The following ST13 variants were observed in gnomAD, a reference collection of about 807,000 sequenced individuals.
The protein encoded by ST13 is hsc70-interacting protein.
In ST13, 23 loss-of-function variants were observed where a neutral mutation model predicts 56.7. The ratio of observed to expected loss-of-function variants is 0.41; its 90% CI spans 0.29 to 0.57. The LOEUF (loss-of-function observed/expected upper bound fraction) is 0.57, where lower values mean the gene tolerates loss of function less well. ST13 is among the 20% of genes least tolerant of loss of function. The probability of loss-of-function intolerance (pLI) is 0.36; values close to 1 mark genes in which losing one functional copy is unlikely to be tolerated. For missense variants in ST13, 369 were observed against 459.9 expected, an observed-to-expected ratio of 0.80 and a Z score of 1.81; for synonymous variants, 132 against 142.4, an observed-to-expected ratio of 0.93 and a Z score of 0.52.
chr22:40,851,748 C>G (rs1348667669), intron 1 of ST13, among the ~76,000 whole-genome samples: 1 of 141,638 alleles, frequency 7.1e-6, no homozygotes, highest in Non-Finnish European at 1.6e-5. Context: ...AGAAAGGGTT[C>G]TTTTTTTTTT....
chr22:40,856,510 C>G lies in ST13; in HGVS notation c.31G>C (p.Ala11Pro). 1 of 1,613,126 alleles carries G rather than the reference C, an allele frequency of 6.2e-7. No homozygotes were observed. The highest frequency in any genetic ancestry group is 1.1e-5 in the South Asian group (1 of 91,048). MDPRKVNELR[A>P]FVKMCKQDPS... ...TCCTGCTTACACATTTTCACAAAGG[C>G]CCGAAGCTCGTTCACTTTGCGGGGG... Residue 11 changes from alanine (A) to proline (P), a missense_variant, in exon 1 of 12, where the codon GCC becomes CCC. By Grantham distance (27) the Ala-to-Pro change is conservative. Transcript: ENST00000216218.
rs1055321232 is a variant in ST13, at chr22:40,825,274, CTG to C, written c.*1262_*1263del. 10 of 152,224 alleles carry C rather than the reference CTG, an allele frequency of 6.6e-5. No individual in the cohort carries two copies. Among genetic ancestry groups the C allele is most frequent in the African/African-American group, 2.2e-4 (9 of 41,544 alleles). The allele number at this position is 152,224 out of a possible 1,614,324, so 9.4% of individuals were successfully genotyped here. A position where few individuals can be genotyped will look rare whatever the true frequency, so the allele number is the denominator to read the frequency against. On this transcript the variant is annotated 3_prime_UTR_variant, in exon 12 of 12. Transcript: ENST00000216218. ...GTCTCAACAACTCCACAATGAATAA[CTG>C]TGGATTATCTCATTTATAATTCACA...
At chr22:40,830,631 G>C (rs1469065128) in intron 9 of ST13, among the ~76,000 whole-genome samples, 2 of 152,142 alleles carry the variant, frequency 1.3e-5, no homozygotes, top group African/African-American at 4.8e-5. Context: ...ATATAAAATG[G>C]TGAAATAAAA....
At chr22:40,846,083 T>C (rs931893402) in intron 3 of ST13, among the ~76,000 whole-genome samples, 2 of 152,154 alleles carry the variant, frequency 1.3e-5, no homozygotes, top group African/African-American at 4.8e-5. Context: ...ATTACAGGCA[T>C]GTGTCACCAC....
At chr22:40,830,114 C>T (rs2057747404) in intron 9 of ST13, among the ~76,000 whole-genome samples, 1 of 151,822 alleles carries the variant, frequency 6.6e-6, no homozygotes, top group African/African-American at 2.4e-5. Flanking sequence ...AGAAAATGAA[C>T]AAAAAATAAA....
Position 40,835,903 on chromosome 22 carries a change from A to T in ST13, c.383-16T>A. 4 of 1,584,282 alleles carry T rather than the reference A, an allele frequency of 2.5e-6. No homozygotes were observed. Among genetic ancestry groups the T allele is most frequent in the Non-Finnish European group, 3.5e-6 (4 of 1,157,772 alleles). On this transcript the variant is annotated splice_polypyrimidine_tract_variant and intron_variant, in intron 5 of 11. Transcript: ENST00000216218. ...TGGAGTTCACCTAAAGTGAAACAAA[A>T]GTTATCGAGAAATATTCAGAGGATA... is the stretch of plus-strand genomic sequence containing the variant.
Position 40,824,576 on chromosome 22 carries a change from T to C in ST13, c.*1962A>G, listed in dbSNP as rs1021554753. ...GAATGTATATTATGGAATTTAAAAA[T>C]CTAAAAGCACAGGACACATTTTCAG... On this transcript the variant is annotated 3_prime_UTR_variant, in exon 12 of 12. Transcript: ENST00000216218. 5 of 152,200 alleles carry C rather than the reference T, an allele frequency of 3.3e-5. No homozygotes were observed. The highest frequency in any genetic ancestry group is 1.2e-4 in the African/African-American group (5 of 41,426). 9.4% of individuals were successfully genotyped at this position (152,200 alleles called of 1,614,324 possible). A position where few individuals can be genotyped will look rare whatever the true frequency, so the allele number is the denominator to read the frequency against.
At chr22:40,848,241 A>G (rs2057842506) in intron 3 of ST13, 53 bp downstream of exon 3, 4 of 1,304,800 alleles carry the variant, frequency 3.1e-6, no homozygotes, top group East Asian at 4.6e-5. Flanking sequence ...ATAAAAATCA[A>G]CAAAGTATCA....
intron 3 of ST13, among the ~76,000 whole-genome samples, chr22:40,847,281 C>A (rs113056027): frequency 0.017 from 158 of 9,070 alleles, 3 homozygotes; most frequent in African/African-American, 0.073. Context: ...CATCTGTAAT[C>A]CCAAACACTT....
intron 8 of ST13, among the ~76,000 whole-genome samples, chr22:40,831,606 G>A (rs1173447685): frequency 6.6e-6 from 1 of 152,088 alleles, no homozygotes; most frequent in South Asian, 2.1e-4. Context: ...TTACAACTTT[G>A]CCCTATTTTA....
intron 10 of ST13, among the ~76,000 whole-genome samples, chr22:40,828,581 C>T (rs1324954670): frequency 6.6e-6 from 1 of 151,728 alleles, no homozygotes; most frequent in African/African-American, 2.4e-5. Context: ...CCACTGCACT[C>T]CAGCCTGGGC....
At chr22:40,841,761 C>CT (rs35486587) in intron 4 of ST13, among the ~76,000 whole-genome samples, 177 of 146,886 alleles carry the variant, frequency 1.2e-3, no homozygotes, top group East Asian at 4.4e-3. Flanking sequence ...AAATGTTTTG[C>CT]TTTTTTTTTT....
At chr22:40,836,281 TCTA>T (rs1412179445) in intron 5 of ST13, among the ~76,000 whole-genome samples, 1 of 152,138 alleles carries the variant, frequency 6.6e-6, no homozygotes, top group Non-Finnish European at 1.5e-5. Context: ...AAACTCCATC[TCTA>T]CTAAAAAATA....
chr22:40,831,204 G>C (rs138932315), intron 8 of ST13, among the ~76,000 whole-genome samples: 81 of 152,290 alleles, frequency 5.3e-4, no homozygotes, highest in African/African-American at 1.9e-3. Context: ...AAACAATTAA[G>C]CTCAAAGATT....
intron 5 of ST13, among the ~76,000 whole-genome samples, chr22:40,837,276 A>ATT (rs1475807042): frequency 2.0e-5 from 3 of 152,236 alleles, no homozygotes; most frequent in Admixed American, 2.0e-4. Context: ...TTAAATGTCT[A>ATT]ATAAACAACT....
intron 1 of ST13, among the ~76,000 whole-genome samples, 168 bp downstream of exon 1, chr22:40,856,263 C>G (rs1257550632): frequency 6.6e-6 from 1 of 152,116 alleles, no homozygotes; most frequent in Non-Finnish European, 1.5e-5. Context: ...GGCTCCTGTA[C>G]TACCCAAGGC....
At chr22:40,833,200 A>C (rs1402120701) in intron 7 of ST13, among the ~76,000 whole-genome samples, 2 of 152,230 alleles carry the variant, frequency 1.3e-5, no homozygotes, top group African/African-American at 4.8e-5. Flanking sequence ...GAACATTTAA[A>C]TGCTTTACAT....
chr22:40,832,937 G>GT (rs1414507733), intron 7 of ST13, among the ~76,000 whole-genome samples: 1 of 152,140 alleles, frequency 6.6e-6, no homozygotes, highest in African/African-American at 2.4e-5. Flanking sequence ...TCAGAATATC[G>GT]TAATTTTCTA....
chr22:40,846,732 C>A (rs2057833257), intron 3 of ST13, among the ~76,000 whole-genome samples: 1 of 152,154 alleles, frequency 6.6e-6, no homozygotes, highest in Admixed American at 6.5e-5. Flanking sequence ...GTGGCTCACA[C>A]CTGTAATCCC....
Sources: gnomAD v4.1 joint callset for allele counts (sites outside exome capture counted in the v4.1 genomes callset) on GRCh38, gnomAD v4.1.1 for gene constraint, MANE v1.5 for transcripts, NCBI Gene and HGNC (gene_info 2026-07-23, HGNC 2026-07-21) for gene names.